GALNT18: variants seen among roughly 807,000 people sequenced by gnomAD.
GALNT18 encodes the protein polypeptide N-acetylgalactosaminyltransferase 18.
GALNT18 carries 44 observed loss-of-function variants against 69.5 expected under a neutral mutation model. The ratio of observed to expected loss-of-function variants is 0.63; its 90% CI spans 0.50 to 0.81. The LOEUF (loss-of-function observed/expected upper bound fraction) is 0.81, where lower values mean the gene tolerates loss of function less well. Among genes scored for constraint, GALNT18 ranks in the 40% least tolerant of loss-of-function variants. The pLI, the probability that GALNT18 is intolerant of heterozygous loss-of-function variation, is 0.00. For synonymous variants in GALNT18, 364 were observed against 318.2 expected (o/e 1.14, Z -1.53); for missense variants, 715 against 810.0 (o/e 0.88, Z 1.42).
rs1859737502 is a variant in GALNT18, at chr11:11,605,692, C to T, written c.235+15667G>A. On this transcript the variant is annotated intron_variant, in intron 1 of 10. Coordinates refer to ENST00000227756, the MANE Select transcript of GALNT18 (RefSeq NM_198516.3). This position sits in a 1 kb window ranked among gnomAD's most constrained non-coding sequence, Gnocchi z 4.7. ...TGTCTCTCCTCTTGAAGCAGAAATG[C>T]CCTGCTTACCTGCATCTTTTCTGGC... Among the ~76,000 whole-genome samples, 2 of 152,188 alleles carry T rather than the reference C, an allele frequency of 1.3e-5. No individual in the cohort carries two copies. Among genetic ancestry groups the T allele is most frequent in the South Asian group, 4.1e-4 (2 of 4,826 alleles).
intron 1 of GALNT18, among the ~76,000 whole-genome samples, chr11:11,534,805 C>T (rs1857738084): frequency 1.3e-5 from 2 of 152,260 alleles, no homozygotes; most frequent in Admixed American, 1.3e-4. Flanking sequence ...TTTCTCCTGC[C>T]ACCTGTCCTG....
intron 1 of GALNT18, among the ~76,000 whole-genome samples, chr11:11,491,832 G>A (rs1856776043): frequency 6.6e-6 from 1 of 152,106 alleles, no homozygotes; most frequent in African/African-American, 2.4e-5. Context: ...CTCTGAGCCA[G>A]TCACTCCCCT....
Position 11,432,619 on chromosome 11 carries a change from A to C in GALNT18, c.595+2T>G. 3 of 1,604,170 alleles carry C rather than the reference A, an allele frequency of 1.9e-6. No individual in the cohort carries two copies. Among genetic ancestry groups the C allele is most frequent in the Non-Finnish European group, 2.6e-6 (3 of 1,175,038 alleles). On this transcript the variant is annotated splice_donor_variant, in intron 3 of 10. Transcript: ENST00000227756. LOFTEE classifies it high-confidence loss of function. The surrounding 1 kb of genome is among the most constrained non-coding windows in gnomAD (Gnocchi z 5.8). ...TGGGCCCTGGGAAGCTCCGACACTC[A>C]CCGTTACTGCTGTTGTCATCCACCA...
chr11:11,334,350 GC>G (rs1351374403), intron 7 of GALNT18, among the ~76,000 whole-genome samples: 1 of 152,088 alleles, frequency 6.6e-6, no homozygotes, highest in Non-Finnish European at 1.5e-5. Flanking sequence ...AGACCATCCT[GC>G]CGAACATGGT....
At position 11,494,847 on chromosome 11, in the gene GALNT18, A is replaced by G. The variant is rs1210043508; in HGVS notation, c.236-45911T>C. ...TGGAGGGGAAGTATTTTAATCTTAC[A>G]ACTCCAACCATGATCATCTGGGAGT... On this transcript the variant is annotated intron_variant, in intron 1 of 10. Coordinates refer to ENST00000227756, the MANE Select transcript of GALNT18 (RefSeq NM_198516.3). The surrounding 1 kb of genome is among the most constrained non-coding windows in gnomAD (Gnocchi z 5.7). 6.6e-6 allele frequency among the ~76,000 whole-genome samples: 1 copy of G among 152,200 alleles called. No homozygotes were observed. The highest frequency in any genetic ancestry group is 6.5e-5 in the Admixed American group (1 of 15,276).
At position 11,341,022 on chromosome 11, in the gene GALNT18, C is replaced by T; in HGVS notation, c.1093-18G>A. 1 of 1,578,120 alleles carries T rather than the reference C, an allele frequency of 6.3e-7. No individual in the cohort carries two copies. The highest frequency in any genetic ancestry group is 8.6e-7 in the Non-Finnish European group (1 of 1,158,240). On this transcript the variant is annotated intron_variant, in intron 6 of 10. Coordinates refer to ENST00000227756, the MANE Select transcript of GALNT18 (RefSeq NM_198516.3). This position sits in a 1 kb window ranked among gnomAD's most constrained non-coding sequence, Gnocchi z 6.3. ...TGCCACACCTGCAGAAGACATGGAGCCACTTGTCAGAGCCTGCCTGGCTCT... is the reference window on the plus strand; with the variant it reads ...TGCCACACCTGCAGAAGACATGGAGTCACTTGTCAGAGCCTGCCTGGCTCT...
At chr11:11,394,724 C>A (rs963223251) in intron 3 of GALNT18, among the ~76,000 whole-genome samples, 2 of 152,226 alleles carry the variant, frequency 1.3e-5, no homozygotes, top group Admixed American at 6.5e-5. Flanking sequence ...CTCGAGACAG[C>A]ATCCAGGACA....
At chr11:11,284,680 T>G (rs773352964) in intron 10 of GALNT18, among the ~76,000 whole-genome samples, 18 of 152,190 alleles carry the variant, frequency 1.2e-4, no homozygotes, top group Non-Finnish European at 1.9e-4. Flanking sequence ...TCTTTTTTAA[T>G]TAATTTTCCA....
intron 9 of GALNT18, among the ~76,000 whole-genome samples, chr11:11,313,905 G>A (rs1849709065): frequency 1.3e-5 from 2 of 152,210 alleles, no homozygotes; most frequent in Admixed American, 1.3e-4. Context: ...AATCATGAAT[G>A]TTTGTTGAGA....
intron 1 of GALNT18, among the ~76,000 whole-genome samples, chr11:11,462,484 G>A (rs1317488954): frequency 6.6e-6 from 1 of 151,702 alleles, no homozygotes; most frequent in Non-Finnish European, 1.5e-5. Context: ...GTAGTGGTGG[G>A]GTTTCACCAT....
At chr11:11,273,771 A>C (rs1848877067) in intron 10 of GALNT18, among the ~76,000 whole-genome samples, 1 of 152,238 alleles carries the variant, frequency 6.6e-6, no homozygotes. Flanking sequence ...TATTCGCAAT[A>C]GACAACATAT....
At chr11:11,385,562 T>A (rs1165543704) in intron 3 of GALNT18, among the ~76,000 whole-genome samples, 1 of 152,154 alleles carries the variant, frequency 6.6e-6, no homozygotes, top group Non-Finnish European at 1.5e-5. Flanking sequence ...CCCAAAGTGC[T>A]GGGATTACAG....
rs377429233 is a variant in GALNT18, at chr11:11,377,384, G to A, written c.780-5C>T. The A allele has an allele frequency of 9.4e-5, 151 of 1,613,330 alleles. No individual in the cohort carries two copies. Among genetic ancestry groups the A allele is most frequent in the Non-Finnish European group, 1.3e-4 (148 of 1,179,900 alleles). On this transcript the variant is annotated splice_region_variant and splice_polypyrimidine_tract_variant and intron_variant, in intron 4 of 10. Coordinates refer to ENST00000227756, the MANE Select transcript of GALNT18 (RefSeq NM_198516.3). This position sits in a 1 kb window ranked among gnomAD's most constrained non-coding sequence, Gnocchi z 4.6. ...CGGGTGAGTACAGGTTCAGCCCTGG[G>A]CAGAGAGGAGACAGCCAGAGAGGGT...
chr11:11,535,165 A>G (rs1208654893), intron 1 of GALNT18, among the ~76,000 whole-genome samples: 2 of 152,228 alleles, frequency 1.3e-5, no homozygotes, highest in Non-Finnish European at 2.9e-5. Flanking sequence ...TTTACATAAT[A>G]CAAAAAGAAT....
Position 11,396,577 on chromosome 11 carries a change from G to A in GALNT18, c.596-17313C>T, listed in dbSNP as rs967700234. Among the ~76,000 whole-genome samples, 4 of 152,284 alleles carry A rather than the reference G, an allele frequency of 2.6e-5. No homozygotes were observed. The highest frequency in any genetic ancestry group is 2.1e-4 in the South Asian group (1 of 4,820). On this transcript the variant is annotated intron_variant, in intron 3 of 10. Coordinates refer to ENST00000227756, the MANE Select transcript of GALNT18 (RefSeq NM_198516.3). The surrounding 1 kb of genome is among the most constrained non-coding windows in gnomAD (Gnocchi z 5.2). The stretch of plus-strand genomic sequence containing the variant: ...CAAACAAAGAAAATGGAAGCCAAGC[G>A]TGGGGATGATCTCATGGCAATTGCA...
At chr11:11,353,707 A>G (rs1850467948) in intron 6 of GALNT18, among the ~76,000 whole-genome samples, 1 of 152,154 alleles carries the variant, frequency 6.6e-6, no homozygotes, top group Admixed American at 6.5e-5. Context: ...GATGCCCCCA[A>G]AAGGATAACA....
intron 10 of GALNT18, among the ~76,000 whole-genome samples, chr11:11,272,238 T>G (rs1489819883): frequency 6.6e-6 from 1 of 152,234 alleles, no homozygotes; most frequent in African/African-American, 2.4e-5. Context: ...TATCTATCCT[T>G]TCAGCATCCA....
In GALNT18 at chr11:11,503,363, G is replaced by T. The variant is rs187153175; in HGVS notation, c.236-54427C>A. Among the ~76,000 whole-genome samples the T allele has an allele frequency of 5.0e-3, 767 of 152,280 alleles. 5 individuals carry two copies. The highest frequency in any genetic ancestry group is 0.018 in the African/African-American group (745 of 41,554). ...AAGCCTAGAAATGACGATCTGAAGGGCCTGGCTCACTGTTGTTGCTTGACA... is the reference window on the plus strand; with the variant it reads ...AAGCCTAGAAATGACGATCTGAAGGTCCTGGCTCACTGTTGTTGCTTGACA... On this transcript the variant is annotated intron_variant, in intron 1 of 10. Transcript: ENST00000227756.
Position 11,387,251 on chromosome 11 carries a change from G to A in GALNT18, c.596-7987C>T, listed in dbSNP as rs1345673179. 6.6e-6 allele frequency among the ~76,000 whole-genome samples: 1 copy of A among 152,026 alleles called. No individual in the cohort carries two copies. The highest frequency in any genetic ancestry group is 2.4e-5 in the African/African-American group (1 of 41,370). On this transcript the variant is annotated intron_variant, in intron 3 of 10. Coordinates refer to ENST00000227756, the MANE Select transcript of GALNT18 (RefSeq NM_198516.3). The surrounding 1 kb of genome is among the most constrained non-coding windows in gnomAD (Gnocchi z 4.6). Reference sequence around the variant, plus strand: ...CAGCTGCTTTTCGTTTCTCTACTTGGCCATCTTTGGGTCTGATGTTTTGGA... The same window carrying A: ...CAGCTGCTTTTCGTTTCTCTACTTGACCATCTTTGGGTCTGATGTTTTGGA...
Sources: gnomAD v4.1 joint callset for allele counts (sites outside exome capture counted in the v4.1 genomes callset) on GRCh38, gnomAD v4.1.1 for gene constraint, Gnocchi (gnomAD v3.1) non-coding constraint, MANE v1.5 for transcripts, NCBI Gene and HGNC (gene_info 2026-07-23, HGNC 2026-07-21) for gene names.